The following TSPAN15 variants were observed in gnomAD, a reference collection of about 807,000 sequenced individuals.
TSPAN15 encodes the protein tetraspanin 15.
A neutral mutation model predicts 34.5 loss-of-function variants in TSPAN15; 20 were observed. The ratio of observed to expected loss-of-function variants is 0.58; its 90% CI spans 0.41 to 0.84. The LOEUF (loss-of-function observed/expected upper bound fraction) is 0.84, where lower values mean the gene tolerates loss of function less well. Among genes scored for constraint, TSPAN15 ranks in the 40% least tolerant of loss-of-function variants. The pLI is 0.00. For synonymous variants in TSPAN15, 155 were observed against 153.9 expected, an observed-to-expected ratio of 1.01 and a Z score of -0.05; for missense variants, 313 against 386.1, an observed-to-expected ratio of 0.81 and a Z score of 1.59.
intron 1 of TSPAN15, among the ~76,000 whole-genome samples, chr10:69,479,883 C>G (rs1052814254): frequency 1.2e-4 from 18 of 152,132 alleles, no homozygotes; most frequent in Non-Finnish European, 2.6e-4. Flanking sequence ...GGTGGCAGCT[C>G]CTTCTGCTAG....
At chr10:69,455,576 T>C (rs1335652066) in intron 1 of TSPAN15, among the ~76,000 whole-genome samples, 4 of 122,588 alleles carry the variant, frequency 3.3e-5, no homozygotes, top group Admixed American at 7.8e-5. Context: ...TCTTTCTCTT[T>C]TCTTTCTTTC....
At chr10:69,458,565 G>C (rs1841166502) in intron 1 of TSPAN15, among the ~76,000 whole-genome samples, 1 of 152,160 alleles carries the variant, frequency 6.6e-6, no homozygotes, top group African/African-American at 2.4e-5. Flanking sequence ...CTGAAAGTGG[G>C]GCAGCCTTCA....
the TSPAN15 span, among the ~76,000 whole-genome samples, chr10:69,530,779 A>ACTCTCTCTCTCTCTCTCT: frequency 2.0e-5 from 1 of 50,024 alleles, no homozygotes. Context: ...ACAGAGTGAG[A>ACTCTCTCTCTCTCTCTCT]CTCTCTCTCT....
At chr10:69,484,083 T>G (rs1366315896) in intron 2 of TSPAN15, 4 of 511,230 alleles carry the variant, frequency 7.8e-6, no homozygotes, top group Non-Finnish European at 1.4e-5. Flanking sequence ...TTGAATACTG[T>G]TCTTACTTAA....
At chr10:69,541,198 A>G in the TSPAN15 span, among the ~76,000 whole-genome samples, 1 of 151,980 alleles carries the variant, frequency 6.6e-6, no homozygotes, top group Non-Finnish European at 1.5e-5. Context: ...TTCATACTGG[A>G]GAGAATATAC....
intron 5 of TSPAN15, among the ~76,000 whole-genome samples, chr10:69,499,772 G>T (rs2133151253): frequency 6.6e-6 from 1 of 152,334 alleles, no homozygotes; most frequent in South Asian, 2.1e-4. Flanking sequence ...CGGGATCTGG[G>T]TGAAGCTCTG....
intron 1 of TSPAN15, among the ~76,000 whole-genome samples, chr10:69,465,291 G>T (rs1163982983): frequency 6.6e-6 from 1 of 152,240 alleles, no homozygotes; most frequent in Non-Finnish European, 1.5e-5. Flanking sequence ...GCAGAGACAA[G>T]ATGAGGGCAG....
intron 1 of TSPAN15, among the ~76,000 whole-genome samples, chr10:69,469,183 TG>T (rs1264071498): frequency 6.6e-6 from 1 of 152,164 alleles, no homozygotes; most frequent in African/African-American, 2.4e-5. Context: ...GATGAGCTTC[TG>T]GGTTTGGGAA....
intron 4 of TSPAN15, among the ~76,000 whole-genome samples, chr10:69,496,342 A>AATC (rs1391524702): frequency 4.1e-4 from 60 of 147,294 alleles, no homozygotes; most frequent in African/African-American, 1.4e-3. Context: ...TAATAATAAT[A>AATC]ATAATAATAA....
At position 69,506,151 on chromosome 10, in the gene TSPAN15, G is replaced by A. The variant is rs745882652; in HGVS notation, c.646G>A (p.Val216Met). 1.6e-5 allele frequency: 26 copies of A among 1,614,016 alleles called. No homozygotes were observed. The highest frequency in any genetic ancestry group is 1.8e-5 in the Non-Finnish European group (21 of 1,180,002). The change falls in exon 7 of 8, where the codon GTG (valine) becomes ATG (methionine). Residue 216 changes from valine (V) to methionine (M), a missense_variant. Physicochemically the swap from Val to Met is conservative, Grantham distance 21. Coordinates refer to ENST00000373290, the MANE Select transcript of TSPAN15 (RefSeq NM_012339.5). The surrounding 1 kb of genome is among the most constrained non-coding windows in gnomAD (Gnocchi z 4.7). ...ERFSVQDVIY[V>M]RGCTNAVIIW... ...TTTCAGTGTGCAGGATGTCATCTAC[G>A]TGCGGGGCTGCACCAACGCCGTGAT...
intron 1 of TSPAN15, among the ~76,000 whole-genome samples, chr10:69,471,241 G>A (rs1458182587): frequency 6.6e-6 from 1 of 151,744 alleles, no homozygotes; most frequent in Admixed American, 6.6e-5. Context: ...AGTGGGTCTA[G>A]GGACCTCTGG....
intron 1 of TSPAN15, among the ~76,000 whole-genome samples, chr10:69,475,200 C>G (rs752497511): frequency 7.2e-5 from 11 of 152,152 alleles, no homozygotes; most frequent in Non-Finnish European, 1.0e-4. Context: ...CTGTGGTTCT[C>G]CGATTAACCA....
chr10:69,535,780 T>C, the TSPAN15 span, among the ~76,000 whole-genome samples: 7 of 152,226 alleles, frequency 4.6e-5, no homozygotes, highest in African/African-American at 1.7e-4. Flanking sequence ...AAATCCTCTG[T>C]AGAGTGATGT....
the TSPAN15 span, among the ~76,000 whole-genome samples, chr10:69,533,206 C>T: frequency 6.6e-6 from 1 of 152,140 alleles, no homozygotes; most frequent in East Asian, 1.9e-4. Context: ...GAAAAAGATA[C>T]TTGCAGATGC....
At chr10:69,476,522 A>C (rs187524467) in intron 1 of TSPAN15, among the ~76,000 whole-genome samples, 1 of 151,056 alleles carries the variant, frequency 6.6e-6, no homozygotes, top group East Asian at 2.0e-4. Context: ...ACGCCACTGC[A>C]CTTCAGCCTG....
the TSPAN15 span, among the ~76,000 whole-genome samples, chr10:69,542,503 T>A: frequency 6.6e-6 from 1 of 152,238 alleles, no homozygotes; most frequent in Non-Finnish European, 1.5e-5. Context: ...AATAAAGACA[T>A]ATCTGACACT....
chr10:69,504,570 G>A, intron 6 of TSPAN15, 85 bp downstream of exon 6: 1 of 1,359,678 alleles, frequency 7.4e-7, no homozygotes, highest in Non-Finnish European at 1.0e-6. Context: ...TTGAGGTCGG[G>A]GTCCTGGCCA....
intron 1 of TSPAN15, among the ~76,000 whole-genome samples, chr10:69,480,081 C>T (rs1225164380): frequency 6.6e-6 from 1 of 152,170 alleles, no homozygotes; most frequent in Non-Finnish European, 1.5e-5. Context: ...CAAGGGTGTT[C>T]TGGAGTGGGT....
At chr10:69,537,518 C>T in the TSPAN15 span, among the ~76,000 whole-genome samples, 2 of 152,116 alleles carry the variant, frequency 1.3e-5, no homozygotes, top group African/African-American at 4.8e-5. Flanking sequence ...CTTGCTCCAG[C>T]CCTCTCTCCT....
Sources: allele counts gnomAD v4.1 joint callset (sites outside exome capture counted in the v4.1 genomes callset), GRCh38; gene constraint gnomAD v4.1.1; non-coding constraint Gnocchi (gnomAD v3.1); transcripts MANE v1.5; gene names NCBI Gene and HGNC (gene_info 2026-07-23, HGNC 2026-07-21).